The following KLHL33 variants were observed in gnomAD, a reference collection of about 807,000 sequenced individuals.
KLHL33 encodes the protein kelch like family member 33, also known as kelch-like protein 33.
KLHL33 carries 46 observed loss-of-function variants against 60.8 expected under a neutral mutation model. The ratio of observed to expected loss-of-function variants is 0.76; its 90% CI spans 0.60 to 0.97. The LOEUF (loss-of-function observed/expected upper bound fraction) is 0.97, where lower values mean the gene tolerates loss of function less well. Ranked by LOEUF, KLHL33 falls within the 50% of genes least tolerant of loss-of-function variation. KLHL33 has a pLI of 0.00. For missense variants in KLHL33, 1,055 were observed against 1,000.0 expected (o/e 1.05, Z -0.74); for synonymous variants, 434 against 432.2 (o/e 1.00, Z -0.05).
chr14:20,429,901 G>T lies in KLHL33; in HGVS notation c.1567C>A (p.Pro523Thr). The change falls in exon 3 of 5, where the codon CCC (proline) becomes ACC (threonine). Residue 523 changes from proline to threonine, a missense_variant. By Grantham distance (38) the Pro-to-Thr change is conservative. Coordinates refer to ENST00000636854, the MANE Select transcript of KLHL33 (RefSeq NM_001365790.2). ...EWGQLPALPA[P>T]GRFRHGAASL... ...GCAGCCCCATGCCGGAAGCGTCCGG[G>T]GGCAGGCAGGGCAGGCAGCTGCCCC... 1 of 1,551,786 alleles carries T rather than the reference G, an allele frequency of 6.4e-7. No homozygotes were observed.
Position 20,427,967 on chromosome 14 carries a change from C to T in KLHL33, c.*882G>A, listed in dbSNP as rs534069640. 6.6e-6 allele frequency: 1 copy of T among 152,282 alleles called. No individual in the cohort carries two copies. The highest frequency in any genetic ancestry group is 2.4e-5 in the African/African-American group (1 of 41,462). The allele number at this position is 152,282 out of a possible 1,614,324, so 9.4% of individuals were successfully genotyped here. A position where few individuals can be genotyped will look rare whatever the true frequency, so the allele number is the denominator to read the frequency against. ...GTCTGCTTCTCACTCTTCTCTCCCC[C>T]CACATCCTCTCACCACTTGAGACCT... On this transcript the variant is annotated 3_prime_UTR_variant, in exon 5 of 5. Coordinates refer to ENST00000636854, the MANE Select transcript of KLHL33 (RefSeq NM_001365790.2).
rs368116211 is a variant in KLHL33 at position 20,430,594 on chromosome 14, C to T, written c.874G>A (p.Val292Ile). ...ACAACTCCGGAGTAAGCAAAAGAGA[C>T]GAGGAGTCGCAGGTCCTGGGTGGAG... ...TISTQDLRLLVSFAYSGVVRA... is the reference protein window; with the variant it reads ...TISTQDLRLLISFAYSGVVRA... Residue 292 changes from valine (V) to isoleucine (I), a missense_variant, in exon 3 of 5, where the codon GTC (valine) becomes ATC (isoleucine). Coordinates refer to ENST00000636854, the MANE Select transcript of KLHL33 (RefSeq NM_001365790.2). 41 of 1,537,198 alleles carry T rather than the reference C, an allele frequency of 2.7e-5. No individual in the cohort carries two copies. Among genetic ancestry groups the T allele is most frequent in the African/African-American group, 5.5e-5 (4 of 73,042 alleles).
rs1228165554 is a variant in KLHL33 at position 20,426,154 on chromosome 14, T to A, written c.*2695A>T. On this transcript the variant is annotated 3_prime_UTR_variant, in exon 5 of 5. Coordinates refer to ENST00000636854, the MANE Select transcript of KLHL33 (RefSeq NM_001365790.2). Reference sequence around the variant, plus strand: ...GAATGAAGAAGGGTGCAAGGGAGACTCCATCATCACCCTTAGAAACATGAA... The same window carrying A: ...GAATGAAGAAGGGTGCAAGGGAGACACCATCATCACCCTTAGAAACATGAA... 6.6e-6 allele frequency: 1 copy of A among 152,098 alleles called. No individual in the cohort carries two copies. The highest frequency in any genetic ancestry group is 1.9e-4 in the East Asian group (1 of 5,190). The allele number at this position is 152,098 out of a possible 1,614,324, so 9.4% of individuals were successfully genotyped here.
Position 20,429,546 on chromosome 14 carries a change from G to A in KLHL33, c.1797C>T (p.Ala599=), listed in dbSNP as rs530733165. 9 of 1,552,018 alleles carry A rather than the reference G, an allele frequency of 5.8e-6. No individual in the cohort carries two copies. Among genetic ancestry groups the A allele is most frequent in the Non-Finnish European group, 7.8e-6 (9 of 1,147,102 alleles). Residue 599 remains alanine, a synonymous_variant, in exon 4 of 5, where the codon GCC becomes GCT. Coordinates refer to ENST00000636854, the MANE Select transcript of KLHL33 (RefSeq NM_001365790.2). ...YALGGRHNDV[A]LDSVETYNPE... ...GGTTGTAGGTCTCCACAGAGTCCAG[G>A]GCAACATCATTGTGTCTTCCACCCA...
Position 20,428,804 on chromosome 14 carries a change from G to C in KLHL33, c.*45C>G. On this transcript the variant is annotated 3_prime_UTR_variant, in exon 5 of 5. Coordinates refer to ENST00000636854, the MANE Select transcript of KLHL33 (RefSeq NM_001365790.2). ...CCCACAATCTCTGTCCTTCTCTCAG[G>C]CTATTTCTTATGCCCTCCTCTCCCC... is the stretch of plus-strand genomic sequence containing the variant. 3.4e-6 allele frequency: 5 copies of C among 1,454,092 alleles called. No individual in the cohort carries two copies. The highest frequency in any genetic ancestry group is 4.7e-6 in the Non-Finnish European group (5 of 1,070,586). 90.1% of individuals were successfully genotyped at this position (1,454,092 alleles called of 1,614,324 possible). A position where few individuals can be genotyped will look rare whatever the true frequency, so the allele number is the denominator to read the frequency against.
Position 20,430,407 on chromosome 14 carries a change from A to G in KLHL33, c.1061T>C (p.Leu354Pro), listed in dbSNP as rs762184552. Reference protein sequence around the residue: ...PMAEAPGLERLWSKARHYLLT... With the variant: ...PMAEAPGLERPWSKARHYLLT... ...GAGGTAGTGACGGGCTTTGCTCCAG[A>G]GCCTCTCCAACCCAGGGGCTTCCGC... Residue 354 changes from leucine to proline, a missense_variant, in exon 3 of 5, where the codon CTC (leucine) becomes CCC (proline). By Grantham distance (98) the Leu-to-Pro change is moderately conservative. Coordinates refer to ENST00000636854, the MANE Select transcript of KLHL33 (RefSeq NM_001365790.2). 5 of 1,551,790 alleles carry G rather than the reference A, an allele frequency of 3.2e-6. No homozygotes were observed. The South Asian group carries it at 5.9e-5, about 18-fold the overall frequency.
In KLHL33 at chr14:20,430,342, G is replaced by A. The variant is rs774691085; in HGVS notation, c.1126C>T (p.Pro376Ser). The A allele has an allele frequency of 1.3e-6, 2 of 1,551,958 alleles. No homozygotes were observed. The highest frequency in any genetic ancestry group is 2.4e-5 in the South Asian group (2 of 84,070). ...GCCAAGCAGGCAGCTGGTAAAGAAG[G>A]GAAAGCAGGACACAAGGCTACAGCA... is the stretch of plus-strand genomic sequence containing the variant. ...LPAVALCPAF[P>S]SLPAACLAEL... The change falls in exon 3 of 5, where the codon CCT becomes TCT. Residue 376 changes from proline (P) to serine (S), a missense_variant. By Grantham distance (74) the Pro-to-Ser change is moderately conservative. Transcript: ENST00000636854.
In KLHL33 at chr14:20,430,526, A is replaced by AGCT; in HGVS notation, c.941_942insAGC (p.Ala314dup). 1 of 1,545,858 alleles carries AGCT rather than the reference A, an allele frequency of 6.5e-7. No individual in the cohort carries two copies. The highest frequency in any genetic ancestry group is 8.7e-7 in the Non-Finnish European group (1 of 1,147,016). On this transcript the variant is annotated inframe_insertion, in exon 3 of 5. Transcript: ENST00000636854. ...AGCAGGAAGAGCTCTGGTACTGCAG[A>AGCT]GCAGCCTGGGCAGCTCTCAGTAGCC... is the stretch of plus-strand genomic sequence containing the variant.
rs1364833932 is a variant in KLHL33, at chr14:20,428,194, T to A, written c.*655A>T. Reference sequence around the variant, plus strand: ...CTGCCACATGGCCCTGGGGGGCCCGTCAGGCCTCTCAGGCCCCTGTGCCGT... The same window carrying A: ...CTGCCACATGGCCCTGGGGGGCCCGACAGGCCTCTCAGGCCCCTGTGCCGT... On this transcript the variant is annotated 3_prime_UTR_variant, in exon 5 of 5. Transcript: ENST00000636854. 1.3e-5 allele frequency: 2 copies of A among 152,336 alleles called. No individual in the cohort carries two copies. The highest frequency in any genetic ancestry group is 3.9e-4 in the East Asian group (2 of 5,194). The allele number at this position is 152,336 out of a possible 1,614,324, so 9.4% of individuals were successfully genotyped here.
Position 20,430,537 on chromosome 14 carries a change from C to G in KLHL33, c.931G>C (p.Ala311Pro). ...CTCTGGTACTGCAGAGCAGCCTGGGCAGCTCTCAGTAGCCCTGGCCACCTT... is the reference window on the plus strand; with the variant it reads ...CTCTGGTACTGCAGAGCAGCCTGGGGAGCTCTCAGTAGCCCTGGCCACCTT... ...RARWPGLLRAAQAALQYQSSS... is the reference protein window; with the variant it reads ...RARWPGLLRAPQAALQYQSSS... Residue 311 changes from alanine to proline, a missense_variant, in exon 3 of 5, where the codon GCC becomes CCC. Transcript: ENST00000636854. 1 of 1,544,098 alleles carries G rather than the reference C, an allele frequency of 6.5e-7. No homozygotes were observed. The highest frequency in any genetic ancestry group is 1.2e-5 in the South Asian group (1 of 84,058).
Position 20,429,523 on chromosome 14 carries a change from T to A in KLHL33, c.1820A>T (p.Asn607Ile). 6.4e-7 allele frequency: 1 copy of A among 1,552,116 alleles called. No homozygotes were observed. Residue 607 changes from asparagine to isoleucine, a missense_variant, in exon 4 of 5, where the codon AAC becomes ATC. Physicochemically the swap from Asn to Ile is moderately radical, Grantham distance 149. Transcript: ENST00000636854. ...TTACCTCCAGACATTGAGCTCAGGG[T>A]TGTAGGTCTCCACAGAGTCCAGGGC... Reference protein sequence around the residue: ...DVALDSVETYNPELNVWRPAP... With the variant: ...DVALDSVETYIPELNVWRPAP...
intron 2 of KLHL33, among the ~76,000 whole-genome samples, chr14:20,432,247 TG>T (rs1880530009): frequency 6.6e-6 from 1 of 152,210 alleles, no homozygotes; most frequent in African/African-American, 2.4e-5. Flanking sequence ...CCAGATTAGC[TG>T]GGACTACAGG....
rs1306595846 is a variant in KLHL33, at chr14:20,430,582, A to T, written c.886T>A (p.Tyr296Asn). The change falls in exon 3 of 5, where the codon TAC becomes AAC. Residue 296 changes from tyrosine to asparagine, a missense_variant. Physicochemically the swap from Tyr to Asn is moderately radical, Grantham distance 143. Transcript: ENST00000636854. Reference protein sequence around the residue: ...QDLRLLVSFAYSGVVRARWPG... With the variant: ...QDLRLLVSFANSGVVRARWPG... ...CACCTTGCCCGCACAACTCCGGAGT[A>T]AGCAAAAGAGACGAGGAGTCGCAGG... The T allele has an allele frequency of 3.3e-6, 5 of 1,538,120 alleles. No homozygotes were observed.
Position 20,430,550 on chromosome 14 carries a change from C to A in KLHL33, c.918G>T (p.Gly306=), listed in dbSNP as rs1422013269. ...YSGVVRARWP[G]LLRAAQAALQ... is the part of the protein sequence containing the mutation. The stretch of plus-strand genomic sequence containing the variant: ...GAGCAGCCTGGGCAGCTCTCAGTAG[C>A]CCTGGCCACCTTGCCCGCACAACTC... Residue 306 remains glycine, a synonymous_variant, in exon 3 of 5, where the codon GGG becomes GGT. Transcript: ENST00000636854. The A allele has an allele frequency of 1.3e-6, 2 of 1,541,778 alleles. No individual in the cohort carries two copies. The highest frequency in any genetic ancestry group is 3.9e-5 in the Admixed American group (2 of 51,014).
rs2139259603 is a variant in KLHL33 at position 20,427,131 on chromosome 14, T to A, written c.*1718A>T. ...CACACCAGCATGGCACATGTATACA[T>A]ATGTAACTAACCTGCACATTGGGCA... On this transcript the variant is annotated 3_prime_UTR_variant, in exon 5 of 5. Transcript: ENST00000636854. 6.6e-6 allele frequency: 1 copy of A among 150,446 alleles called. No individual in the cohort carries two copies. Among genetic ancestry groups the A allele is most frequent in the East Asian group, 1.9e-4 (1 of 5,130 alleles). 9.3% of individuals were successfully genotyped at this position (150,446 alleles called of 1,614,324 possible). A position where few individuals can be genotyped will look rare whatever the true frequency, so the allele number is the denominator to read the frequency against.
chr14:20,430,065 C>T lies in KLHL33; in HGVS notation c.1403G>A (p.Arg468Gln), dbSNP rs1029440704. 6.4e-6 allele frequency: 10 copies of T among 1,551,646 alleles called. No homozygotes were observed. The highest frequency in any genetic ancestry group is 2.0e-5 in the Admixed American group (1 of 50,986). The change falls in exon 3 of 5, where the codon CGG becomes CAG. Residue 468 changes from arginine (R) to glutamine (Q), a missense_variant. Arg to Gln is a conservative substitution (Grantham distance 43). Coordinates refer to ENST00000636854, the MANE Select transcript of KLHL33 (RefSeq NM_001365790.2). Reference protein sequence around the residue: ...VEADVPGQERRREPDRALVVI... With the variant: ...VEADVPGQERQREPDRALVVI... The stretch of plus-strand genomic sequence containing the variant: ...TACCAGTGCCCGGTCAGGCTCCCTC[C>T]GTCTCTCTTGGCCTGGAACATCAGC...
Position 20,428,637 on chromosome 14 carries a change from C to T in KLHL33, c.*212G>A. On this transcript the variant is annotated 3_prime_UTR_variant, in exon 5 of 5. Coordinates refer to ENST00000636854, the MANE Select transcript of KLHL33 (RefSeq NM_001365790.2). ...AGTCTCCTTTCCTCACCTGGGTATT[C>T]AGCTGCCTCCCCTTTCCCTATATGT... The T allele has an allele frequency of 1.8e-6, 1 of 550,740 alleles. No homozygotes were observed. The highest frequency in any genetic ancestry group is 3.0e-5 in the East Asian group (1 of 33,666). 34.1% of individuals were successfully genotyped at this position (550,740 alleles called of 1,614,324 possible).
Position 20,429,557 on chromosome 14 carries a change from T to C in KLHL33, c.1786A>G (p.Asn596Asp), listed in dbSNP as rs1880419876. ...GKLYALGGRH[N>D]DVALDSVETY... ...TCCACAGAGTCCAGGGCAACATCATTGTGTCTTCCACCCAGGGCATAAAGT... is the reference window on the plus strand; with the variant it reads ...TCCACAGAGTCCAGGGCAACATCATCGTGTCTTCCACCCAGGGCATAAAGT... Residue 596 changes from asparagine (N) to aspartate (D), a missense_variant, in exon 4 of 5, where the codon AAT becomes GAT. Physicochemically the swap from Asn to Asp is conservative, Grantham distance 23. Coordinates refer to ENST00000636854, the MANE Select transcript of KLHL33 (RefSeq NM_001365790.2). 3 of 1,552,050 alleles carry C rather than the reference T, an allele frequency of 1.9e-6. No individual in the cohort carries two copies.
intron 2 of KLHL33, among the ~76,000 whole-genome samples, chr14:20,433,642 TA>T (rs1000160718): frequency 2.0e-5 from 3 of 152,250 alleles, no homozygotes; most frequent in Non-Finnish European, 4.4e-5. Flanking sequence ...CCTAGGATTT[TA>T]AGTGACAGAT....
Sources: gnomAD v4.1 joint callset for allele counts (sites outside exome capture counted in the v4.1 genomes callset) on GRCh38, gnomAD v4.1.1 for gene constraint, MANE v1.5 for transcripts, NCBI Gene and HGNC (gene_info 2026-07-23, HGNC 2026-07-21) for gene names.